Variants in KBTBD11 observed in about 807,000 individuals in gnomAD.
KBTBD11 encodes kelch repeat and BTB domain containing 11, also known as kelch repeat and BTB domain-containing protein 11.
For missense variants in KBTBD11, 1,390 were observed against 1,001.8 expected, an observed-to-expected ratio of 1.39 and a Z score of -5.23; for synonymous variants, 747 against 499.0, an observed-to-expected ratio of 1.50 and a Z score of -6.63.
intron 1 of KBTBD11, among the ~76,000 whole-genome samples, chr8:1,994,919 C>T (rs533972051): frequency 9.2e-5 from 14 of 152,118 alleles, no homozygotes; most frequent in Admixed American, 5.9e-4. Flanking sequence ...ACTAGCCAGG[C>T]GTGATGGTGG....
chr8:1,993,496 TCC>T, intron 1 of KBTBD11, among the ~76,000 whole-genome samples: 1 of 43,386 alleles, frequency 2.3e-5, no homozygotes, highest in Non-Finnish European at 6.1e-5. Flanking sequence ...CGTCCATCCG[TCC>T]ATCCATCCAT....
intron 1 of KBTBD11, among the ~76,000 whole-genome samples, chr8:1,996,066 C>A (rs1472825695): frequency 6.6e-6 from 1 of 152,180 alleles, no homozygotes; most frequent in Non-Finnish European, 1.5e-5. Flanking sequence ...CTACAGGTTT[C>A]TAAGATGCTA....
rs1817352433 is a variant in KBTBD11 at position 2,001,479 on chromosome 8, A to C, written c.287A>C (p.Glu96Ala). The change falls in exon 2 of 2, where the codon GAG becomes GCG. Residue 96 changes from glutamate (E) to alanine (A), a missense_variant. By Grantham distance (107) the Glu-to-Ala change is moderately radical. Transcript: ENST00000320248. ...ASPEELASPE[E>A]RACPEEPAAP... ...CCGGAGGAGCTCGCGTCCCCTGAGG[A>C]GCGCGCGTGCCCGGAAGAGCCCGCG... 1 of 1,379,426 alleles carries C rather than the reference A, an allele frequency of 7.2e-7. No individual in the cohort carries two copies. Among genetic ancestry groups the C allele is most frequent in the Non-Finnish European group, 9.3e-7 (1 of 1,074,310 alleles). 85.4% of individuals were successfully genotyped at this position (1,379,426 alleles called of 1,614,324 possible).
intron 1 of KBTBD11, among the ~76,000 whole-genome samples, chr8:1,996,121 C>T (rs372607415): frequency 2.7e-4 from 41 of 152,304 alleles, no homozygotes; most frequent in Middle Eastern, 3.4e-3. Flanking sequence ...ATTAACCTTG[C>T]GATTCATTGG....
intron 1 of KBTBD11, among the ~76,000 whole-genome samples, chr8:1,985,937 G>A (rs137966988): frequency 9.5e-4 from 144 of 152,306 alleles, no homozygotes; most frequent in African/African-American, 3.4e-3. Context: ...TAGACACATC[G>A]GTTTTGCATC....
chr8:1,989,848 G>T (rs1816844702), intron 1 of KBTBD11, among the ~76,000 whole-genome samples: 1 of 150,440 alleles, frequency 6.6e-6, no homozygotes. Flanking sequence ...TCTTAAACTT[G>T]TGACCAGCAG....
At chr8:1,981,007 C>T (rs7831107) in intron 1 of KBTBD11, among the ~76,000 whole-genome samples, 15,870 of 152,234 alleles carry the variant, frequency 0.1, 1,145 homozygotes, top group African/African-American at 0.2. Context: ...AAAATAGTAA[C>T]AAGGGCAGTA....
chr8:1,981,608 G>A (rs1211261216), intron 1 of KBTBD11, among the ~76,000 whole-genome samples: 1 of 152,204 alleles, frequency 6.6e-6, no homozygotes, highest in South Asian at 2.1e-4. Context: ...GAACCAGTGT[G>A]AGGAAGATTT....
At chr8:1,994,720 C>T (rs1013156484) in intron 1 of KBTBD11, among the ~76,000 whole-genome samples, 1 of 152,172 alleles carries the variant, frequency 6.6e-6, no homozygotes, top group African/African-American at 2.4e-5. Context: ...GTTGTCAGGT[C>T]ACACTGCAGT....
rs114558766 is a variant in KBTBD11, at chr8:2,005,454, G to A, written c.*2390G>A. 2,915 of 150,728 alleles carry A rather than the reference G, an allele frequency of 0.019. 39 individuals are homozygous for A. The highest frequency in any genetic ancestry group is 0.027 in the African/African-American group (996 of 36,244). 9.3% of individuals were successfully genotyped at this position (150,728 alleles called of 1,614,324 possible). A position where few individuals can be genotyped will look rare whatever the true frequency, so the allele number is the denominator to read the frequency against. ...GGGCCAGTCCCTGGGGTGTGGAGCC[G>A]CTAGGGTTTGCACCCATGAAACAGA... On this transcript the variant is annotated 3_prime_UTR_variant, in exon 2 of 2. Coordinates refer to ENST00000320248, the MANE Select transcript of KBTBD11 (RefSeq NM_014867.3).
rs768206377 is a variant in KBTBD11, at chr8:2,002,535, T to C, written c.1343T>C (p.Val448Ala). ...CCGCTGCCCCGGGGCGCCTTCGCCG[T>C]GGCGCATGAGGCCACCACCTGCCAC... ...VAPLPRGAFA[V>A]AHEATTCHGE... is the part of the protein sequence containing the mutation. The change falls in exon 2 of 2, where the codon GTG becomes GCG. Residue 448 changes from valine (V) to alanine (A), a missense_variant. Transcript: ENST00000320248. The surrounding 1 kb of genome is among the most constrained non-coding windows in gnomAD (Gnocchi z 4.1). The C allele has an allele frequency of 1.3e-6, 2 of 1,552,870 alleles. No individual in the cohort carries two copies. Among genetic ancestry groups the C allele is most frequent in the South Asian group, 1.2e-5 (1 of 85,854 alleles).
Position 1,993,921 on chromosome 8 carries a change from C to CCACACACACACA in KBTBD11, c.-908-6364_-908-6363insCACACACACACA, listed in dbSNP as rs1488600793. On this transcript the variant is annotated intron_variant, in intron 1 of 1. Transcript: ENST00000320248. ...TCAATATATGAATACACAATACCCC[C>CCACACACACACA]TACACACACACACACACACACACAC... is the stretch of plus-strand genomic sequence containing the variant. Among the ~76,000 whole-genome samples the CCACACACACACA allele has an allele frequency of 2.0e-4, 8 of 39,296 alleles. No individual in the cohort carries two copies. In the East Asian group the frequency reaches 6.5e-3, roughly 32 times the overall value. 25.8% of individuals were successfully genotyped at this position (39,296 alleles called of 152,430 possible).
chr8:1,991,246 G>A (rs190499391), intron 1 of KBTBD11, among the ~76,000 whole-genome samples: 2 of 152,360 alleles, frequency 1.3e-5, no homozygotes, highest in African/African-American at 4.8e-5. Context: ...CTAGGGCAGC[G>A]GCTGCACCGT....
rs79757851 is a variant in KBTBD11 at position 1,974,498 on chromosome 8, C to T, written c.-909+563C>T. ...GGAGCGAACGGGGGTCTCTCCTGGA[C>T]TCGGGGCCCTGGGGAGGGGAGCGCG... On this transcript the variant is annotated intron_variant, in intron 1 of 1. Transcript: ENST00000320248. 7.3e-3 allele frequency: 7,226 copies of T among 984,608 alleles called. 34 individuals carry two copies. Among genetic ancestry groups the T allele is most frequent in the Non-Finnish European group, 8.2e-3 (6,789 of 829,864 alleles). 61.0% of individuals were successfully genotyped at this position (984,608 alleles called of 1,614,324 possible).
rs934211085 is a variant in KBTBD11 at position 1,974,800 on chromosome 8, GT to G, written c.-909+868del. 8 of 598,898 alleles carry G rather than the reference GT, an allele frequency of 1.3e-5. No individual in the cohort carries two copies. The African/African-American group carries it at 1.6e-4, about 12-fold the overall frequency. The allele number at this position is 598,898 out of a possible 1,614,324, so 37.1% of individuals were successfully genotyped here. A position where few individuals can be genotyped will look rare whatever the true frequency, so the allele number is the denominator to read the frequency against. ...CCTCTTTAGAGTCCTACAAAACCAC[GT>G]TTCCCCCTCCACCCACTCCAGTGTC... On this transcript the variant is annotated intron_variant, in intron 1 of 1. Transcript: ENST00000320248.
In KBTBD11 at chr8:2,002,886, T is replaced by A; in HGVS notation, c.1694T>A (p.Val565Glu). ...GCCCTGGACGGCGCCATCTACTGCG[T>A]GAGCCGCGCGGGCACCTGGCGCTTC... Reference protein sequence around the residue: ...CAALDGAIYCVSRAGTWRFQP... With the variant: ...CAALDGAIYCESRAGTWRFQP... Residue 565 changes from valine (V) to glutamate (E), a missense_variant, in exon 2 of 2, where the codon GTG (valine) becomes GAG (glutamate). Transcript: ENST00000320248. This position sits in a 1 kb window ranked among gnomAD's most constrained non-coding sequence, Gnocchi z 4.1. 7.5e-7 allele frequency: 1 copy of A among 1,327,890 alleles called. No individual in the cohort carries two copies. Among genetic ancestry groups the A allele is most frequent in the Non-Finnish European group, 9.6e-7 (1 of 1,043,744 alleles). 82.3% of individuals were successfully genotyped at this position (1,327,890 alleles called of 1,614,324 possible). A position where few individuals can be genotyped will look rare whatever the true frequency, so the allele number is the denominator to read the frequency against.
At chr8:2,000,043 G>A (rs1369623263) in intron 1 of KBTBD11, among the ~76,000 whole-genome samples, 1 of 152,088 alleles carries the variant, frequency 6.6e-6, no homozygotes, top group African/African-American at 2.4e-5. Context: ...TGCTTGAACT[G>A]GACTCTCCTG....
intron 1 of KBTBD11, among the ~76,000 whole-genome samples, chr8:1,987,825 T>G (rs1816755277): frequency 6.6e-6 from 1 of 152,112 alleles, no homozygotes. Flanking sequence ...GTTGGTTTGC[T>G]GCACCCATTA....
chr8:1,988,570 G>C (rs1253911594), intron 1 of KBTBD11, among the ~76,000 whole-genome samples: 1 of 152,174 alleles, frequency 6.6e-6, no homozygotes, highest in Non-Finnish European at 1.5e-5. Context: ...CCCACTTTTT[G>C]ATGACTTTTT....
Sources: gnomAD v4.1 joint callset for allele counts (sites outside exome capture counted in the v4.1 genomes callset) on GRCh38, gnomAD v4.1.1 for gene constraint, Gnocchi (gnomAD v3.1) non-coding constraint, MANE v1.5 for transcripts, NCBI Gene and HGNC (gene_info 2026-07-23, HGNC 2026-07-21) for gene names.